CNBD1: variants seen among roughly 807,000 people sequenced by gnomAD.
CNBD1 encodes the protein cyclic nucleotide binding domain containing 1, also known as cyclic nucleotide-binding domain-containing protein 1.
A neutral mutation model predicts 54.4 loss-of-function variants in CNBD1; 71 were observed. That is an observed-to-expected ratio of 1.30 (90% CI 1.08 to 1.59). The LOEUF is 1.59. CNBD1 is among the 40% of genes most tolerant of loss of function. CNBD1 has a pLI of 0.00. For synonymous variants in CNBD1, 182 were observed against 170.7 expected (o/e 1.07, Z -0.51); for missense variants, 659 against 518.0 (o/e 1.27, Z -2.64).
In CNBD1 at chr8:87,206,051, C is replaced by A; in HGVS notation, c.490C>A (p.Pro164Thr). 1 of 1,601,674 alleles carries A rather than the reference C, an allele frequency of 6.2e-7. No individual in the cohort carries two copies. Among genetic ancestry groups the A allele is most frequent in the Non-Finnish European group, 8.5e-7 (1 of 1,174,254 alleles). Residue 164 changes from proline (P) to threonine (T), a missense_variant, in exon 5 of 11, where the codon CCA becomes ACA. Transcript: ENST00000518476. ...KTVWKFLKTI[P>T]DLTFQLNDKH... ...TGTGTGGAAGTTCCTGAAAACAATTCCAGATTTAACCTTTCAGCTAAATGA... is the reference window on the plus strand; with the variant it reads ...TGTGTGGAAGTTCCTGAAAACAATTACAGATTTAACCTTTCAGCTAAATGA...
At chr8:87,216,226 ATTTG>A (rs1337230092) in intron 5 of CNBD1, among the ~76,000 whole-genome samples, 1 of 152,216 alleles carries the variant, frequency 6.6e-6, no homozygotes, top group Non-Finnish European at 1.5e-5. Flanking sequence ...CTTTTAATAA[ATTTG>A]TTTAATATGA....
In CNBD1 at chr8:87,182,574, A is replaced by G. The variant is rs2130778613; in HGVS notation, c.432-23419A>G. On this transcript the variant is annotated intron_variant, in intron 4 of 10. Coordinates refer to ENST00000518476, the MANE Select transcript of CNBD1 (RefSeq NM_173538.3). The surrounding 1 kb of genome is among the most constrained non-coding windows in gnomAD (Gnocchi z 4.1). The stretch of plus-strand genomic sequence containing the variant: ...GCATTTGTTATTTTTTGACTTTTTA[A>G]TGATAGCCATTCTGACTGATACGAG... 6.6e-6 allele frequency among the ~76,000 whole-genome samples: 1 copy of G among 151,900 alleles called. No individual in the cohort carries two copies. The highest frequency in any genetic ancestry group is 2.1e-4 in the South Asian group (1 of 4,816).
At chr8:86,990,017 C>T (rs568215763) in intron 4 of CNBD1, among the ~76,000 whole-genome samples, 24 of 152,188 alleles carry the variant, frequency 1.6e-4, no homozygotes, top group Admixed American at 3.9e-4. Flanking sequence ...ATGTCTAATC[C>T]GATCTTTTGC....
intron 1 of CNBD1, among the ~76,000 whole-genome samples, chr8:86,884,758 TG>T (rs2131783719): frequency 6.6e-6 from 1 of 152,320 alleles, no homozygotes; most frequent in South Asian, 2.1e-4. Flanking sequence ...TACAAAAGTT[TG>T]TTGCCAGTAT....
In CNBD1 at chr8:87,369,812, G is replaced by C. The variant is rs568102987; in HGVS notation, c.1304-12808G>C. 3.9e-3 allele frequency among the ~76,000 whole-genome samples: 588 copies of C among 151,918 alleles called. 6 individuals carry two copies. The highest frequency in any genetic ancestry group is 0.014 in the African/African-American group (563 of 41,438). On this transcript the variant is annotated intron_variant, in intron 10 of 10. Coordinates refer to ENST00000518476, the MANE Select transcript of CNBD1 (RefSeq NM_173538.3). ...ACATATGTATACATGCGCCATGCTG[G>C]TGTGCTGCACCCATTAACTAGTCAT... is the stretch of plus-strand genomic sequence containing the variant.
intron 2 of CNBD1, among the ~76,000 whole-genome samples, chr8:87,419,157 G>A (rs1293206327): frequency 6.6e-6 from 1 of 151,750 alleles, no homozygotes; most frequent in Non-Finnish European, 1.5e-5. Context: ...ACAAACAATA[G>A]ATGAATCTTA....
At chr8:87,090,278 T>C (rs1811179490) in intron 4 of CNBD1, among the ~76,000 whole-genome samples, 1 of 152,196 alleles carries the variant, frequency 6.6e-6, no homozygotes, top group Non-Finnish European at 1.5e-5. Flanking sequence ...CTCTAATATA[T>C]TGTCTCTTAA....
intron 1 of CNBD1, among the ~76,000 whole-genome samples, chr8:86,869,568 C>G (rs1031942022): frequency 2.0e-5 from 3 of 152,180 alleles, no homozygotes; most frequent in Non-Finnish European, 2.9e-5. Context: ...GTTCTTTCTT[C>G]TTTGAAACTT....
At chr8:86,966,559 C>A (rs906471470) in intron 4 of CNBD1, among the ~76,000 whole-genome samples, 3 of 152,116 alleles carry the variant, frequency 2.0e-5, no homozygotes, top group African/African-American at 7.2e-5. Context: ...TTAAAGGTGG[C>A]ACATCCAGAG....
intron 4 of CNBD1, among the ~76,000 whole-genome samples, chr8:86,940,950 C>T (rs1168509335): frequency 6.6e-6 from 1 of 152,112 alleles, no homozygotes; most frequent in Admixed American, 6.5e-5. Context: ...TACCAGCTGG[C>T]CTAGGTGTGT....
At chr8:87,152,082 A>G (rs973267804) in intron 4 of CNBD1, among the ~76,000 whole-genome samples, 1 of 152,158 alleles carries the variant, frequency 6.6e-6, no homozygotes, top group African/African-American at 2.4e-5. Context: ...AGTTTTGACA[A>G]TAAGAGAAAA....
intron 4 of CNBD1, among the ~76,000 whole-genome samples, chr8:87,088,103 T>G (rs776912474): frequency 2.0e-5 from 3 of 152,198 alleles, no homozygotes; most frequent in Non-Finnish European, 4.4e-5. Context: ...AGGCCTAGTT[T>G]GTATGTGTGT....
At chr8:86,952,061 A>G (rs1207954605) in intron 4 of CNBD1, among the ~76,000 whole-genome samples, 1 of 152,200 alleles carries the variant, frequency 6.6e-6, no homozygotes, top group Non-Finnish European at 1.5e-5. Flanking sequence ...CAGAAATTCA[A>G]AATAATATAA....
chr8:87,033,344 T>C lies in CNBD1; in HGVS notation c.431+93590T>C, dbSNP rs563865549. Among the ~76,000 whole-genome samples, 9 of 151,914 alleles carry C rather than the reference T, an allele frequency of 5.9e-5. No individual in the cohort carries two copies. The South Asian group carries it at 1.9e-3, about 32-fold the overall frequency. On this transcript the variant is annotated intron_variant, in intron 4 of 10. Transcript: ENST00000518476. ...CTTTGGTGTAGAACTCATGAAGTTC[T>C]GGGTCACCAAGGTCATTGTTCAATA...
chr8:87,026,954 T>A (rs1040253895), intron 4 of CNBD1, among the ~76,000 whole-genome samples: 2 of 152,174 alleles, frequency 1.3e-5, no homozygotes, highest in African/African-American at 4.8e-5. Context: ...CGGACAAAAA[T>A]GTATGCTGAC....
chr8:87,088,238 T>C (rs55783605), intron 4 of CNBD1, among the ~76,000 whole-genome samples: 2,846 of 152,268 alleles, frequency 0.019, 96 homozygotes, highest in African/African-American at 0.064. Context: ...TATTAAATAA[T>C]GTTAGAGGTT....
At chr8:87,382,035 T>C (rs1811087304) in intron 10 of CNBD1, among the ~76,000 whole-genome samples, 1 of 151,818 alleles carries the variant, frequency 6.6e-6, no homozygotes, top group East Asian at 1.9e-4. Context: ...TTTTAAAAAA[T>C]AAATAGAAGA....
intron 4 of CNBD1, among the ~76,000 whole-genome samples, chr8:86,959,520 C>T (rs1286544030): frequency 1.3e-5 from 2 of 152,196 alleles, no homozygotes; most frequent in South Asian, 2.1e-4. Flanking sequence ...TCACATAGTC[C>T]CATATTTCTT....
chr8:87,348,006 TG>T (rs1810209406), intron 8 of CNBD1, among the ~76,000 whole-genome samples: 2 of 152,220 alleles, frequency 1.3e-5, no homozygotes, highest in African/African-American at 2.4e-5. Context: ...TCCTCAGGTT[TG>T]TCTATAACTG....
Sources: gnomAD v4.1 joint callset for allele counts (sites outside exome capture counted in the v4.1 genomes callset) on GRCh38, gnomAD v4.1.1 for gene constraint, Gnocchi (gnomAD v3.1) non-coding constraint, MANE v1.5 for transcripts, NCBI Gene and HGNC (gene_info 2026-07-23, HGNC 2026-07-21) for gene names.